Variants in ZNF516 observed in about 807,000 individuals in gnomAD.
The protein encoded by ZNF516 is zinc finger protein 516.
A neutral mutation model predicts 79.7 loss-of-function variants in ZNF516; 19 were observed. The ratio of observed to expected loss-of-function variants is 0.24; its 90% CI spans 0.17 to 0.35. The LOEUF is 0.35. Ranked by LOEUF, ZNF516 falls within the 10% of genes least tolerant of loss-of-function variation. The pLI, the probability that ZNF516 is intolerant of heterozygous loss-of-function variation, is 1.00. For missense variants in ZNF516, 1,678 were observed against 1,679.5 expected (o/e 1.00, Z 0.02); for synonymous variants, 877 against 739.5 (o/e 1.19, Z -3.02).
intron 3 of ZNF516, among the ~76,000 whole-genome samples, chr18:76,418,334 A>G (rs1489519676): frequency 6.6e-6 from 1 of 152,038 alleles, no homozygotes; most frequent in East Asian, 1.9e-4. Flanking sequence ...CTAACACACT[A>G]TAACACGCTG....
At chr18:76,449,998 A>C (rs1418127945) in intron 2 of ZNF516, among the ~76,000 whole-genome samples, 2 of 152,240 alleles carry the variant, frequency 1.3e-5, no homozygotes, top group Non-Finnish European at 2.9e-5. Context: ...ATTAAACCTC[A>C]ATATGGACTG....
intron 3 of ZNF516, among the ~76,000 whole-genome samples, chr18:76,384,609 C>A (rs190474300): frequency 6.2e-4 from 92 of 149,104 alleles, no homozygotes; most frequent in Non-Finnish European, 1.2e-3. Context: ...CATCCCCCAC[C>A]CCCCCTACAG....
chr18:76,452,508 G>C (rs1912476220), intron 2 of ZNF516, among the ~76,000 whole-genome samples: 2 of 152,120 alleles, frequency 1.3e-5, no homozygotes, highest in South Asian at 4.1e-4. Context: ...CCACGGGCTG[G>C]AGTCATCATG....
chr18:76,380,683 A>G (rs1320226042), intron 3 of ZNF516, among the ~76,000 whole-genome samples: 1 of 152,162 alleles, frequency 6.6e-6, no homozygotes. Flanking sequence ...GGAACTCTAC[A>G]TTTAGGGCTC....
intron 1 of ZNF516, among the ~76,000 whole-genome samples, chr18:76,486,132 G>A (rs767027840): frequency 1.6e-4 from 25 of 151,966 alleles, no homozygotes; most frequent in Non-Finnish European, 3.4e-4. Flanking sequence ...AAATTGTATC[G>A]GTGGAAAAAA....
intron 1 of ZNF516, among the ~76,000 whole-genome samples, chr18:76,466,909 C>CA (rs1913510146): frequency 6.6e-6 from 1 of 152,180 alleles, no homozygotes; most frequent in Non-Finnish European, 1.5e-5. Context: ...ACGTGGGGAG[C>CA]AAACATGGGA....
chr18:76,415,580 T>C (rs937665845), intron 3 of ZNF516, among the ~76,000 whole-genome samples: 2 of 151,882 alleles, frequency 1.3e-5, no homozygotes, highest in African/African-American at 4.8e-5. Context: ...GGAGGTGGGT[T>C]CTGAAGTGCA....
intron 3 of ZNF516, chr18:76,385,637 T>TC (rs2074975735): frequency 6.6e-6 from 1 of 152,260 alleles, no homozygotes; most frequent in South Asian, 2.1e-4. Context: ...CCTCTTTTCT[T>TC]CTTTGAAAAA....
chr18:76,410,009 C>G (rs2075355006), intron 3 of ZNF516, among the ~76,000 whole-genome samples: 1 of 152,182 alleles, frequency 6.6e-6, no homozygotes, highest in Non-Finnish European at 1.5e-5. Flanking sequence ...TGCACACACT[C>G]TCTTGCCCAC....
At chr18:76,372,018 C>T (rs2074716362) in intron 4 of ZNF516, among the ~76,000 whole-genome samples, 2 of 152,190 alleles carry the variant, frequency 1.3e-5, no homozygotes, top group African/African-American at 2.4e-5. Context: ...GGGAGACCCA[C>T]GCAGAGTGAG....
chr18:76,466,234 C>A (rs892523707), intron 1 of ZNF516, among the ~76,000 whole-genome samples: 1 of 152,022 alleles, frequency 6.6e-6, no homozygotes, highest in Non-Finnish European at 1.5e-5. Flanking sequence ...TTCTCACAGA[C>A]GGACTCCATC....
intron 3 of ZNF516, among the ~76,000 whole-genome samples, chr18:76,427,176 A>C (rs2075606350): frequency 6.6e-6 from 1 of 152,222 alleles, no homozygotes; most frequent in Admixed American, 6.5e-5. Context: ...GGCATGTCAT[A>C]ATACATTATT....
rs2074500226 is a variant in ZNF516 at position 76,359,499 on chromosome 18, T to C, written c.*2999A>G. 1 of 151,846 alleles carries C rather than the reference T, an allele frequency of 6.6e-6. No homozygotes were observed. The highest frequency in any genetic ancestry group is 1.5e-5 in the Non-Finnish European group (1 of 67,954). 9.4% of individuals were successfully genotyped at this position (151,846 alleles called of 1,614,324 possible). ...AATACAAGTGAACAACCTGAAAAGA[T>C]TTTTAGAAGCTCATTAGCTGTGTGT... On this transcript the variant is annotated 3_prime_UTR_variant, in exon 7 of 7. Coordinates refer to ENST00000443185, the MANE Select transcript of ZNF516 (RefSeq NM_014643.4).
At chr18:76,422,954 T>C (rs2075526811) in intron 3 of ZNF516, among the ~76,000 whole-genome samples, 1 of 152,200 alleles carries the variant, frequency 6.6e-6, no homozygotes, top group African/African-American at 2.4e-5. Context: ...GAAGACAAGA[T>C]GTACTCTCAA....
At chr18:76,380,991 T>G (rs2074883113) in intron 3 of ZNF516, among the ~76,000 whole-genome samples, 1 of 152,224 alleles carries the variant, frequency 6.6e-6, no homozygotes, top group African/African-American at 2.4e-5. Context: ...ACCTGCCGGC[T>G]GCCCAGGAGA....
Position 76,467,136 on chromosome 18 carries a change from TCGGAACC to T in ZNF516, c.-271-4002_-271-3996del, listed in dbSNP as rs1168329047. ...GCTGGCAGGAAGTCCTGCGTGTCTCTCGGAACCTGCAGCTCACAGCCCTTCTGGGTTG... is the reference window on the plus strand; with the variant it reads ...GCTGGCAGGAAGTCCTGCGTGTCTCTTGCAGCTCACAGCCCTTCTGGGTTG... On this transcript the variant is annotated intron_variant, in intron 1 of 6. Coordinates refer to ENST00000443185, the MANE Select transcript of ZNF516 (RefSeq NM_014643.4). The surrounding 1 kb of genome is among the most constrained non-coding windows in gnomAD (Gnocchi z 4.2). 3.1e-4 allele frequency among the ~76,000 whole-genome samples: 47 copies of T among 150,020 alleles called. 1 individual carries two copies. Among genetic ancestry groups the T allele is most frequent in the African/African-American group, 1.1e-3 (44 of 40,452 alleles).
intron 6 of ZNF516, among the ~76,000 whole-genome samples, chr18:76,369,730 G>A (rs945426228): frequency 1.3e-5 from 2 of 152,062 alleles, no homozygotes; most frequent in East Asian, 1.9e-4. Context: ...TGACTCTCAC[G>A]GCAAAGAAAC....
intron 3 of ZNF516, among the ~76,000 whole-genome samples, chr18:76,404,819 G>A (rs765029022): frequency 2.7e-5 from 4 of 147,028 alleles, no homozygotes; most frequent in East Asian, 2.1e-4. Context: ...ATGTGTGCAC[G>A]AGTTTGCATG....
chr18:76,406,419 C>T (rs2075305449), intron 3 of ZNF516, among the ~76,000 whole-genome samples: 1 of 152,126 alleles, frequency 6.6e-6, no homozygotes, highest in Non-Finnish European at 1.5e-5. Flanking sequence ...CAAAAATTAG[C>T]CGAGCATGGT....
Sources: allele counts gnomAD v4.1 joint callset (sites outside exome capture counted in the v4.1 genomes callset), GRCh38; gene constraint gnomAD v4.1.1; non-coding constraint Gnocchi (gnomAD v3.1); transcripts MANE v1.5; gene names NCBI Gene and HGNC (gene_info 2026-07-23, HGNC 2026-07-21).